PRIM2: variants seen among roughly 807,000 people sequenced by gnomAD.
PRIM2 encodes DNA primase large subunit.
A neutral mutation model predicts 67.3 loss-of-function variants in PRIM2; 39 were observed. The observed-to-expected ratio is 0.58, with a 90% CI of 0.45 to 0.76. The LOEUF is 0.76. PRIM2 is among the 30% of genes least tolerant of loss of function. PRIM2 has a pLI of 0.00. For missense variants in PRIM2, 398 were observed against 598.7 expected, an observed-to-expected ratio of 0.66 and a Z score of 3.50; for synonymous variants, 143 against 198.7, an observed-to-expected ratio of 0.72 and a Z score of 2.36.
chr6:57,499,462 T>A (rs1218925927), intron 7 of PRIM2, among the ~76,000 whole-genome samples: 1 of 152,138 alleles, frequency 6.6e-6, no homozygotes, highest in African/African-American at 2.4e-5. Context: ...AAAACCTTCA[T>A]TAGAGATGTG....
At chr6:57,518,740 T>C (rs2127463380) in intron 8 of PRIM2, among the ~76,000 whole-genome samples, 1 of 152,368 alleles carries the variant, frequency 6.6e-6, no homozygotes, top group South Asian at 2.1e-4. Flanking sequence ...TTTATCTTTG[T>C]AGAAATGTAC....
chr6:57,227,613 C>T, the PRIM2 span, among the ~76,000 whole-genome samples: 2 of 145,858 alleles, frequency 1.4e-5, no homozygotes, highest in African/African-American at 5.1e-5. Flanking sequence ...CACTGAACTC[C>T]AGCCTCAGCC....
chr6:57,596,794 A>G (rs1776375671), intron 10 of PRIM2, among the ~76,000 whole-genome samples: 1 of 151,820 alleles, frequency 6.6e-6, no homozygotes, highest in Non-Finnish European at 1.5e-5. Flanking sequence ...CTTTTAATGT[A>G]TCCACTATAC....
At position 57,569,071 on chromosome 6, in the gene PRIM2, A is replaced by T. The variant is rs1301452192; in HGVS notation, c.1020+31446A>T. On this transcript the variant is annotated intron_variant, in intron 10 of 13. Transcript: ENST00000615550. ...TTGGTTATGAGGGAGTACAGTGATG[A>T]TTATTTGGGTCTGTTAAGATTTAAC... 1.4e-3 allele frequency among the ~76,000 whole-genome samples: 213 copies of T among 152,334 alleles called. 5 individuals carry two copies. The East Asian group carries it at 0.019, about 14-fold the overall frequency.
intron 7 of PRIM2, among the ~76,000 whole-genome samples, chr6:57,479,768 G>GGTT (rs1184422527): frequency 6.6e-6 from 1 of 152,166 alleles, no homozygotes; most frequent in African/African-American, 2.4e-5. Context: ...GTGGTTTTTT[G>GGTT]GTTGTTGTTG....
chr6:57,255,758 T>TA, the PRIM2 span, among the ~76,000 whole-genome samples: 1 of 151,862 alleles, frequency 6.6e-6, no homozygotes, highest in Non-Finnish European at 1.5e-5. Flanking sequence ...AGAATGATCA[T>TA]AAAAAAACTT....
upstream of PRIM2, among the ~76,000 whole-genome samples, chr6:57,310,288 CA>C (rs1767355991): frequency 6.6e-6 from 1 of 152,218 alleles, no homozygotes; most frequent in African/African-American, 2.4e-5. Context: ...ATCTGTTTAA[CA>C]AAGCACATCT....
chr6:57,247,098 C>T, the PRIM2 span, among the ~76,000 whole-genome samples: 1 of 152,310 alleles, frequency 6.6e-6, no homozygotes, highest in East Asian at 1.9e-4. Flanking sequence ...TCGTGATCCG[C>T]CCGCCTTGGC....
chr6:57,487,161 T>C (rs1299056627), intron 7 of PRIM2, among the ~76,000 whole-genome samples: 1 of 152,192 alleles, frequency 6.6e-6, no homozygotes, highest in Non-Finnish European at 1.5e-5. Context: ...TAATATTAAA[T>C]TTAATTGGAA....
chr6:57,448,414 CT>C (rs1271205135), intron 7 of PRIM2, among the ~76,000 whole-genome samples: 1 of 152,146 alleles, frequency 6.6e-6, no homozygotes, highest in Non-Finnish European at 1.5e-5. Context: ...ATACCAAACT[CT>C]GTAATACATT....
chr6:57,600,380 A>G (rs1776442462), intron 10 of PRIM2, among the ~76,000 whole-genome samples: 1 of 151,202 alleles, frequency 6.6e-6, no homozygotes, highest in African/African-American at 2.4e-5. Flanking sequence ...ATATTTTGAG[A>G]CTGGGTCTCA....
rs1554347289 is a variant in PRIM2 at position 57,507,312 on chromosome 6, G to A, written c.694-75G>A. ...TGCCTCCCTATCTGCCCTTCAGCTC[G>A]TTTTACATTTAGTATTCAAATATGT... On this transcript the variant is annotated intron_variant, in intron 7 of 13. Transcript: ENST00000615550. 4,360 of 1,059,372 alleles carry A rather than the reference G, an allele frequency of 4.1e-3. 123 individuals are homozygous for A. The African/African-American group carries it at 0.061, about 15-fold the overall frequency. The allele number at this position is 1,059,372 out of a possible 1,614,324, so 65.6% of individuals were successfully genotyped here.
Position 57,572,036 on chromosome 6 carries a change from G to A in PRIM2, c.1021-29057G>A, listed in dbSNP as rs1481793592. Among the ~76,000 whole-genome samples, 6 of 151,990 alleles carry A rather than the reference G, an allele frequency of 3.9e-5. No individual in the cohort carries two copies. The East Asian group carries it at 5.8e-4, about 15-fold the overall frequency. On this transcript the variant is annotated intron_variant, in intron 10 of 13. Transcript: ENST00000615550. ...AATGTTTCTCTATATCTGTTTTATCGTTCATGAATATTTTGTATCTCCAAC... is the reference window on the plus strand; with the variant it reads ...AATGTTTCTCTATATCTGTTTTATCATTCATGAATATTTTGTATCTCCAAC...
At chr6:57,528,084 C>T (rs1774799567) in intron 8 of PRIM2, among the ~76,000 whole-genome samples, 1 of 152,028 alleles carries the variant, frequency 6.6e-6, no homozygotes, top group South Asian at 2.1e-4. Context: ...CCACCTCAGC[C>T]TCCTGAGTAG....
At chr6:57,499,939 G>A (rs1247055115) in intron 7 of PRIM2, among the ~76,000 whole-genome samples, 1 of 152,042 alleles carries the variant, frequency 6.6e-6, no homozygotes, top group Admixed American at 6.5e-5. Flanking sequence ...AATCTCTCCT[G>A]GTCTCTACAT....
rs1775861790 is a variant in PRIM2, at chr6:57,571,512, A to G, written c.1021-29581A>G. ...TAAAAATACAAAAAATTAGCCGGGCATGGTGGCGTGGCCTGTAATCCCAGC... is the reference window on the plus strand; with the variant it reads ...TAAAAATACAAAAAATTAGCCGGGCGTGGTGGCGTGGCCTGTAATCCCAGC... On this transcript the variant is annotated intron_variant, in intron 10 of 13. Coordinates refer to ENST00000615550, the MANE Select transcript of PRIM2 (RefSeq NM_000947.5). 2.6e-5 allele frequency among the ~76,000 whole-genome samples: 4 copies of G among 152,156 alleles called. No individual in the cohort carries two copies. In the South Asian group the frequency reaches 8.3e-4, roughly 32 times the overall value.
chr6:57,422,158 C>CTTTCTTTTTTTTTT (rs1771485706), intron 7 of PRIM2, among the ~76,000 whole-genome samples: 3 of 103,318 alleles, frequency 2.9e-5, no homozygotes, highest in Non-Finnish European at 3.9e-5. Flanking sequence ...TCTTTTCTTT[C>CTTTCTTTTTTTTTT]TTTTTTTTTT....
upstream of PRIM2, among the ~76,000 whole-genome samples, chr6:57,317,159 T>A (rs1406764033): frequency 6.6e-6 from 1 of 152,100 alleles, no homozygotes; most frequent in Non-Finnish European, 1.5e-5. Context: ...CGCTGAAAGA[T>A]TAAACGAGCG....
chr6:57,432,306 A>C (rs1771862117), intron 7 of PRIM2, among the ~76,000 whole-genome samples: 1 of 152,196 alleles, frequency 6.6e-6, no homozygotes, highest in Non-Finnish European at 1.5e-5. Context: ...AGGAAATTTC[A>C]AAACAGGATA....
Sources: gnomAD v4.1 joint callset for allele counts (sites outside exome capture counted in the v4.1 genomes callset) on GRCh38, gnomAD v4.1.1 for gene constraint, MANE v1.5 for transcripts, NCBI Gene and HGNC (gene_info 2026-07-23, HGNC 2026-07-21) for gene names.